Variants in BRD10 observed in about 807,000 individuals in gnomAD.
The protein encoded by BRD10 is uncharacterized bromodomain-containing protein 10.
At chr9:5,932,402 A>T in the BRD10 span, among the ~76,000 whole-genome samples, 6 of 152,308 alleles carry the variant, frequency 3.9e-5, no homozygotes, top group Middle Eastern at 3.4e-3. Flanking sequence ...ATCCAACCAC[A>T]GATATAAAAT....
chr9:5,960,470 G>A, the BRD10 span, among the ~76,000 whole-genome samples: 2 of 151,882 alleles, frequency 1.3e-5, no homozygotes, highest in African/African-American at 2.4e-5. Context: ...GCTGAGGCAG[G>A]AGAATTGCTT....
chr9:5,903,696 A>G, the BRD10 span, among the ~76,000 whole-genome samples: 1 of 152,138 alleles, frequency 6.6e-6, no homozygotes, highest in Non-Finnish European at 1.5e-5. Flanking sequence ...GGTACATGCA[A>G]TGTTAGGTGT....
chr9:5,933,628 T>C, the BRD10 span: 1 of 367,824 alleles, frequency 2.7e-6, no homozygotes, highest in Non-Finnish European at 5.5e-6. Flanking sequence ...TCTTTGAATG[T>C]AACAGATTAA....
the BRD10 span, chr9:5,953,937 T>C: frequency 1.3e-6 from 1 of 798,564 alleles, no homozygotes; most frequent in African/African-American, 1.8e-5. Flanking sequence ...TTTCTTGGAA[T>C]TCAGCCAAAC....
the BRD10 span, among the ~76,000 whole-genome samples, chr9:5,969,816 G>A: frequency 2.6e-5 from 4 of 152,302 alleles, no homozygotes; most frequent in African/African-American, 9.6e-5. Flanking sequence ...AAAGTGTTGA[G>A]ATTACAGGCA....
chr9:5,969,781 G>C, the BRD10 span, among the ~76,000 whole-genome samples: 1 of 152,218 alleles, frequency 6.6e-6, no homozygotes, highest in South Asian at 2.1e-4. Flanking sequence ...CCTGACCTCA[G>C]GTGATCCGCC....
At chr9:5,976,457 C>T in the BRD10 span, among the ~76,000 whole-genome samples, 2 of 151,998 alleles carry the variant, frequency 1.3e-5, no homozygotes, top group South Asian at 4.1e-4. Flanking sequence ...TAGAATCAAC[C>T]GTCAGAAACT....
chr9:5,915,373 TATCTC>T, the BRD10 span, among the ~76,000 whole-genome samples: 2 of 152,192 alleles, frequency 1.3e-5, no homozygotes, highest in Non-Finnish European at 2.9e-5. Context: ...TTAGGTAAAT[TATCTC>T]ATCTAACTTC....
chr9:5,922,775 A>C, the BRD10 span: 1 of 1,614,010 alleles, frequency 6.2e-7, no homozygotes, highest in Non-Finnish European at 8.5e-7. Context: ...ATCTATTGGC[A>C]ACCACTGGCC....
chr9:5,922,538 A>G, the BRD10 span: 1 of 1,614,016 alleles, frequency 6.2e-7, no homozygotes, highest in South Asian at 1.1e-5. Context: ...TGAGTTGACA[A>G]AAACTGATGC....
the BRD10 span, chr9:5,906,785 A>G: frequency 1.4e-6 from 1 of 696,592 alleles, no homozygotes; most frequent in African/African-American, 1.9e-5. Flanking sequence ...GGCAGAACCT[A>G]GATTAAAACT....
the BRD10 span, among the ~76,000 whole-genome samples, chr9:5,940,781 G>C: frequency 6.6e-6 from 1 of 152,072 alleles, no homozygotes; most frequent in Non-Finnish European, 1.5e-5. Context: ...AATATGTATA[G>C]CTTTCCTTAC....
At chr9:5,899,247 G>A in the BRD10 span, 2 of 152,308 alleles carry the variant, frequency 1.3e-5, no homozygotes, top group African/African-American at 4.8e-5. Flanking sequence ...TCATTTAGAG[G>A]AAAAGGTCCT....
At chr9:5,985,475 C>A in the BRD10 span, among the ~76,000 whole-genome samples, 2 of 152,252 alleles carry the variant, frequency 1.3e-5, no homozygotes, top group African/African-American at 4.8e-5. Flanking sequence ...TGACAAAGGG[C>A]TTATATCCAG....
chr9:5,890,555 T>A, the BRD10 span, among the ~76,000 whole-genome samples: 1 of 152,150 alleles, frequency 6.6e-6, no homozygotes. Context: ...TACTTAGACA[T>A]CAATTAGGTT....
At chr9:5,910,350 T>C in the BRD10 span, 1 of 152,214 alleles carries the variant, frequency 6.6e-6, no homozygotes, top group East Asian at 1.9e-4. Flanking sequence ...AGAGATGTAT[T>C]ACACACATCG....
the BRD10 span, among the ~76,000 whole-genome samples, chr9:5,941,372 T>G: frequency 7.9e-5 from 12 of 152,172 alleles, no homozygotes; most frequent in African/African-American, 2.9e-4. Context: ...CTTCTTTAGA[T>G]CATGAAAGAA....
At chr9:5,882,084 C>T in the BRD10 span, among the ~76,000 whole-genome samples, 1 of 152,214 alleles carries the variant, frequency 6.6e-6, no homozygotes, top group Non-Finnish European at 1.5e-5. Context: ...CGACCCCATT[C>T]TTCTCACAGT....
chr9:5,998,539 T>G, the BRD10 span, among the ~76,000 whole-genome samples: 32 of 152,230 alleles, frequency 2.1e-4, no homozygotes, highest in East Asian at 6.0e-3. Context: ...CTCCTTTCTC[T>G]CAATCCTTAC....
Sources: gnomAD v4.1 joint callset for allele counts (sites outside exome capture counted in the v4.1 genomes callset) on GRCh38, gnomAD v4.1.1 for gene constraint, MANE v1.5 for transcripts, NCBI Gene and HGNC (gene_info 2026-07-23, HGNC 2026-07-21) for gene names.